ASMTL: variants seen among roughly 807,000 people sequenced by gnomAD.
The protein encoded by ASMTL is acetylserotonin O-methyltransferase like, also known as probable bifunctional dTTP/UTP pyrophosphatase/methyltransferase protein.
In ASMTL, 57 loss-of-function variants were observed where a neutral mutation model predicts 60.3. That is an observed-to-expected ratio of 0.95 (90% CI 0.76 to 1.18). ASMTL has a LOEUF of 1.18. Ranked by LOEUF, ASMTL falls within the 50% of genes most tolerant of loss-of-function variation. The pLI is 0.00. For synonymous variants in ASMTL, 419 were observed against 373.0 expected, an observed-to-expected ratio of 1.12 and a Z score of -1.42; for missense variants, 981 against 852.6, an observed-to-expected ratio of 1.15 and a Z score of -1.88.
intron 5 of ASMTL, among the ~76,000 whole-genome samples, chrX:1,434,661 G>A (rs1387634340): frequency 3.3e-5 from 5 of 151,152 alleles, no homozygotes; most frequent in East Asian, 1.9e-4. Context: ...AAAATTAGCC[G>A]GGCATGGTGG....
In ASMTL at chrX:1,416,362, C is replaced by CACAT. The variant is rs1491048475; in HGVS notation, c.1522+1610_1522+1611insATGT. Reference sequence around the variant, plus strand: ...ATACAGATACAGTGACAGGCACACACAGACGCAGACATGCACAGATGGGCA... The same window carrying CACAT: ...ATACAGATACAGTGACAGGCACACACACATAGACGCAGACATGCACAGATGGGCA... On this transcript the variant is annotated intron_variant, in intron 11 of 12. Coordinates refer to ENST00000381317, the MANE Select transcript of ASMTL (RefSeq NM_004192.4). Among the ~76,000 whole-genome samples, 9 of 128,100 alleles carry CACAT rather than the reference C, an allele frequency of 7.0e-5. 2 individuals are homozygous for CACAT. The highest frequency in any genetic ancestry group is 1.0e-4 in the Non-Finnish European group (6 of 58,372). 84.0% of individuals were successfully genotyped at this position (128,100 alleles called of 152,430 possible).
chrX:1,404,777 A>G lies in ASMTL; in HGVS notation c.1646-1288T>C, dbSNP rs181547894. On this transcript the variant is annotated intron_variant, in intron 12 of 12. Transcript: ENST00000381317. Reference sequence around the variant, plus strand: ...ACATGATGGACAGGTAGATAGATGAATGGATGGATATATGGATGTATGGAT... The same window carrying G: ...ACATGATGGACAGGTAGATAGATGAGTGGATGGATATATGGATGTATGGAT... Among the ~76,000 whole-genome samples, 380 of 151,600 alleles carry G rather than the reference A, an allele frequency of 2.5e-3. 3 individuals carry two copies. The highest frequency in any genetic ancestry group is 8.8e-3 in the African/African-American group (364 of 41,188).
At chrX:1,431,075 CAT>C (rs1157729540) in intron 6 of ASMTL, among the ~76,000 whole-genome samples, 1 of 121,198 alleles carries the variant, frequency 8.3e-6, no homozygotes, top group Non-Finnish European at 1.6e-5. Flanking sequence ...TCCATATATT[CAT>C]ATATTTCTAT....
At position 1,428,046 on chromosome X, in the gene ASMTL, G is replaced by A. The variant is rs759244442; in HGVS notation, c.585C>T (p.Asn195=). ...AGTGGTTCAGCGGGAATCCCACCAC[G>A]TTCAGAAAGTCCCCGTGTACGGACT... ...LVESVHGDFL[N]VVGFPLNHFC... The change falls in exon 7 of 13, where the codon AAC becomes AAT. Residue 195 remains asparagine (N), a synonymous_variant. Transcript: ENST00000381317. 1.4e-5 allele frequency: 22 copies of A among 1,613,708 alleles called. No homozygotes were observed. The highest frequency in any genetic ancestry group is 6.7e-5 in the Admixed American group (4 of 60,002).
chrX:1,407,691 C>G (rs1226656264), intron 12 of ASMTL, among the ~76,000 whole-genome samples: 1 of 151,600 alleles, frequency 6.6e-6, no homozygotes, highest in Non-Finnish European at 1.5e-5. Flanking sequence ...TGAAACCAAC[C>G]TGAGCAACAT....
chrX:1,412,790 G>T lies in ASMTL; in HGVS notation c.1587C>A (p.Asp529Glu). 2 of 1,614,000 alleles carry T rather than the reference G, an allele frequency of 1.2e-6. No individual in the cohort carries two copies. The highest frequency in any genetic ancestry group is 1.7e-6 in the Non-Finnish European group (2 of 1,179,862). The stretch of plus-strand genomic sequence containing the variant: ...ACTTGTGGACTTTGTCGTCTGGCCA[G>T]TCATGCAGGATCCGGCACAGGACGT... ...ELYVLCRILH[D>E]WPDDKVHKLL... The change falls in exon 12 of 13, where the codon GAC becomes GAA. Residue 529 changes from aspartate (D) to glutamate (E), a missense_variant. Coordinates refer to ENST00000381317, the MANE Select transcript of ASMTL (RefSeq NM_004192.4).
At chrX:1,449,427 A>G (rs1195800780) in intron 1 of ASMTL, among the ~76,000 whole-genome samples, 1 of 151,388 alleles carries the variant, frequency 6.6e-6, no homozygotes, top group Non-Finnish European at 1.5e-5. Flanking sequence ...GTCACCCCCA[A>G]TCATGGAGAC....
intron 8 of ASMTL, among the ~76,000 whole-genome samples, chrX:1,423,107 C>T (rs1431535451): frequency 3.0e-4 from 45 of 152,236 alleles, no homozygotes; most frequent in African/African-American, 9.9e-4. Context: ...CACCCGCCAC[C>T]GTGCCCGGCT....
chrX:1,403,615 CA>C (rs2089677284), intron 12 of ASMTL, 126 bp from the exon 13 acceptor site: 5 of 808,894 alleles, frequency 6.2e-6, no homozygotes, highest in African/African-American at 3.4e-5. Context: ...AACCCTTGGC[CA>C]GGGGGCCCAC....
At chrX:1,451,863 G>C (rs1209099507) in intron 1 of ASMTL, among the ~76,000 whole-genome samples, 11 of 132,758 alleles carry the variant, frequency 8.3e-5, no homozygotes, top group African/African-American at 2.9e-4. Context: ...GGGCTCCGGG[G>C]TCACTCTGCT....
intron 10 of ASMTL, 107 bp from the exon 11 acceptor site, chrX:1,418,223 T>A: frequency 7.8e-7 from 1 of 1,286,566 alleles, no homozygotes; most frequent in Non-Finnish European, 1.1e-6. Context: ...ATGGCATTGA[T>A]TCCCATGCTG....
intron 7 of ASMTL, 52 bp downstream of exon 7, chrX:1,427,682 G>T (rs372903195): frequency 2.0e-6 from 3 of 1,532,566 alleles, no homozygotes; most frequent in African/African-American, 1.4e-5. Context: ...GATTTAAGCC[G>T]AGTGTGTAGG....
At position 1,432,334 on chromosome X, in the gene ASMTL, C is replaced by T. The variant is rs765493207; in HGVS notation, c.444G>A (p.Thr148=). 7 of 1,613,254 alleles carry T rather than the reference C, an allele frequency of 4.3e-6. No homozygotes were observed. The African/African-American group carries it at 6.7e-5, about 15-fold the overall frequency. Residue 148 remains threonine (T), a synonymous_variant, in exon 6 of 13, where the codon ACG becomes ACA. Coordinates refer to ENST00000381317, the MANE Select transcript of ASMTL (RefSeq NM_004192.4). ...CGGACAGCTCCGAGAACTTCACCTT[C>T]GTTTCCTCGTAGAATTCCGAGACCC... ...DTRVSEFYEE[T]KVKFSELSEE...
chrX:1,435,548 T>TAGCTCAGACAGCAC (rs768745006), intron 4 of ASMTL, 146 bp downstream of exon 4: 18,297 of 757,304 alleles, frequency 0.024, 935 homozygotes, highest in African/African-American at 0.17. Flanking sequence ...CCTCCCTGCA[T>TAGCTCAGACAGCAC]AGCTCAGACA....
chrX:1,450,804 A>G (rs1233010495), intron 1 of ASMTL, among the ~76,000 whole-genome samples: 1 of 111,848 alleles, frequency 8.9e-6, no homozygotes. Context: ...GTCCCAGGTT[A>G]CTTTCCCCAC....
chrX:1,453,373 C>G (rs1187268450), upstream of ASMTL, among the ~76,000 whole-genome samples: 1 of 151,536 alleles, frequency 6.6e-6, no homozygotes, highest in South Asian at 2.1e-4. Context: ...CCGCCCCGGC[C>G]GCTTGGTGAA....
chrX:1,411,843 C>T lies in ASMTL; in HGVS notation c.1645+889G>A, dbSNP rs752365248. 1.3e-3 allele frequency among the ~76,000 whole-genome samples: 155 copies of T among 117,680 alleles called. 1 individual carries two copies. Among genetic ancestry groups the T allele is most frequent in the Admixed American group, 0.012 (110 of 8,832 alleles). The allele number at this position is 117,680 out of a possible 152,430, so 77.2% of individuals were successfully genotyped here. On this transcript the variant is annotated intron_variant, in intron 12 of 12. Coordinates refer to ENST00000381317, the MANE Select transcript of ASMTL (RefSeq NM_004192.4). Reference sequence around the variant, plus strand: ...TTTTTTTTTTTTTGAGATGGAGTCTCGCTCTGTTACCCAGGCTGGAGTGCG... The same window carrying T: ...TTTTTTTTTTTTTGAGATGGAGTCTTGCTCTGTTACCCAGGCTGGAGTGCG...
chrX:1,440,187 C>A (rs1480459196), intron 2 of ASMTL, among the ~76,000 whole-genome samples: 1 of 151,770 alleles, frequency 6.6e-6, no homozygotes, highest in Admixed American at 6.6e-5. Flanking sequence ...CCCGGGTTCA[C>A]GCCATTCTCC....
intron 10 of ASMTL, 145 bp from the exon 11 acceptor site, chrX:1,418,261 G>T: frequency 1.1e-6 from 1 of 893,142 alleles, no homozygotes; most frequent in Non-Finnish European, 1.7e-6. Flanking sequence ...TGGGGAGCTC[G>T]CTGGTATCCC....
Sources: gnomAD v4.1 joint callset for allele counts (sites outside exome capture counted in the v4.1 genomes callset) on GRCh38, gnomAD v4.1.1 for gene constraint, MANE v1.5 for transcripts, NCBI Gene and HGNC (gene_info 2026-07-23, HGNC 2026-07-21) for gene names.